The following LSAMP variants were observed in gnomAD, a reference collection of about 807,000 sequenced individuals.
LSAMP encodes the protein limbic system associated membrane protein.
Under a neutral mutation model 38.6 loss-of-function variants are expected in LSAMP, and 7 were observed. The ratio of observed to expected loss-of-function variants is 0.18; its 90% CI spans 0.10 to 0.34. LSAMP has a LOEUF of 0.34. Among genes scored for constraint, LSAMP ranks in the 10% least tolerant of loss-of-function variants. The pLI is 1.00. For missense variants in LSAMP, 313 were observed against 420.0 expected (o/e 0.75, Z 2.23); for synonymous variants, 154 against 166.8 (o/e 0.92, Z 0.59).
At chr3:116,315,860 C>T (rs1046311720) in intron 1 of LSAMP, among the ~76,000 whole-genome samples, 1 of 152,110 alleles carries the variant, frequency 6.6e-6, no homozygotes, top group Non-Finnish European at 1.5e-5. Context: ...AATTTGTGTC[C>T]TGGATGTACT....
chr3:116,374,634 T>A (rs2048471078), intron 1 of LSAMP, among the ~76,000 whole-genome samples: 1 of 151,950 alleles, frequency 6.6e-6, no homozygotes, highest in Non-Finnish European at 1.5e-5. Context: ...GAATTTCAAT[T>A]ACGAAACAAA....
At chr3:116,234,489 A>C (rs2046441140) in intron 1 of LSAMP, among the ~76,000 whole-genome samples, 1 of 76,516 alleles carries the variant, frequency 1.3e-5, no homozygotes, top group African/African-American at 3.2e-5. Context: ...CTATGAAATA[A>C]ATTAATCTAC....
chr3:116,264,768 T>C (rs2046871499), intron 1 of LSAMP, among the ~76,000 whole-genome samples: 1 of 152,092 alleles, frequency 6.6e-6, no homozygotes. Context: ...TGCCCAGCTA[T>C]TTTCTAATTT....
intron 1 of LSAMP, among the ~76,000 whole-genome samples, chr3:116,179,177 T>C (rs1430381730): frequency 6.6e-6 from 1 of 152,214 alleles, no homozygotes; most frequent in Non-Finnish European, 1.5e-5. Flanking sequence ...TCTTTCTGTC[T>C]GCTTATGCTG....
intron 3 of LSAMP, among the ~76,000 whole-genome samples, chr3:115,867,214 G>T (rs10511349): frequency 0.12 from 18,350 of 151,850 alleles, 1,365 homozygotes; most frequent in Admixed American, 0.25. Context: ...GAAGATAATT[G>T]GGTAAGTTAT....
intron 3 of LSAMP, among the ~76,000 whole-genome samples, chr3:115,910,790 C>A (rs909862750): frequency 6.6e-6 from 1 of 152,180 alleles, no homozygotes; most frequent in African/African-American, 2.4e-5. Context: ...TGAAGTTATA[C>A]AGTATGCAAC....
chr3:116,371,180 A>G lies in LSAMP; in HGVS notation c.155+73697T>C, dbSNP rs1415857517. On this transcript the variant is annotated intron_variant, in intron 1 of 6. Transcript: ENST00000490035. ...TTTCCAAATATTTGAAGAGGAGGGA[A>G]CATTCCCCTTACTTATTCATGAAGC... 2.6e-5 allele frequency among the ~76,000 whole-genome samples: 4 copies of G among 152,286 alleles called. No homozygotes were observed. The East Asian group carries it at 7.7e-4, about 29-fold the overall frequency.
chr3:116,032,992 C>T lies in LSAMP; in HGVS notation c.389-13352G>A, dbSNP rs188398734. ...GATTGCGTAGAAGCAATGGGAGATTCGTTTACTGAAGTTAGTTTTTTTCCT... is the reference window on the plus strand; with the variant it reads ...GATTGCGTAGAAGCAATGGGAGATTTGTTTACTGAAGTTAGTTTTTTTCCT... On this transcript the variant is annotated intron_variant, in intron 2 of 6. Transcript: ENST00000490035. Among the ~76,000 whole-genome samples, 8 of 152,106 alleles carry T rather than the reference C, an allele frequency of 5.3e-5. No homozygotes were observed. In the South Asian group the frequency reaches 6.2e-4, roughly 12 times the overall value.
At chr3:116,400,250 A>T (rs544756627) in intron 1 of LSAMP, among the ~76,000 whole-genome samples, 2 of 152,208 alleles carry the variant, frequency 1.3e-5, no homozygotes, top group Admixed American at 1.3e-4. Context: ...GGGCAAACAT[A>T]TCAACATTTG....
At chr3:115,832,804 A>G (rs1189274687) in intron 6 of LSAMP, among the ~76,000 whole-genome samples, 1 of 152,214 alleles carries the variant, frequency 6.6e-6, no homozygotes, top group Non-Finnish European at 1.5e-5. Flanking sequence ...CAGTCTACCT[A>G]CAATGTAAAA....
chr3:116,287,353 T>C (rs2047208563), intron 1 of LSAMP, among the ~76,000 whole-genome samples: 1 of 152,126 alleles, frequency 6.6e-6, no homozygotes, highest in Non-Finnish European at 1.5e-5. Context: ...GAAGACGCAC[T>C]CCCAAGCATG....
At chr3:116,302,314 C>G (rs568029102) in intron 1 of LSAMP, among the ~76,000 whole-genome samples, 2 of 152,156 alleles carry the variant, frequency 1.3e-5, no homozygotes, top group Admixed American at 6.5e-5. Context: ...GACTCACTGT[C>G]GCTCTGTAAA....
chr3:115,827,596 T>C (rs1032744460), intron 6 of LSAMP, among the ~76,000 whole-genome samples: 2 of 152,180 alleles, frequency 1.3e-5, no homozygotes, highest in Non-Finnish European at 2.9e-5. Flanking sequence ...GCATTTTCTT[T>C]TACAATCAGC....
At chr3:116,199,741 G>A (rs2045964155) in intron 1 of LSAMP, among the ~76,000 whole-genome samples, 1 of 151,644 alleles carries the variant, frequency 6.6e-6, no homozygotes. Flanking sequence ...ATTAGATTAA[G>A]CAAATAATAT....
chr3:116,425,819 T>C (rs2049187304), intron 1 of LSAMP, among the ~76,000 whole-genome samples: 1 of 150,806 alleles, frequency 6.6e-6, no homozygotes, highest in African/African-American at 2.4e-5. Flanking sequence ...AGGATGGGCT[T>C]AAAAAGAGTA....
At chr3:116,357,915 TAAAA>T (rs796503219) in intron 1 of LSAMP, among the ~76,000 whole-genome samples, 2 of 131,712 alleles carry the variant, frequency 1.5e-5, no homozygotes, top group Non-Finnish European at 3.3e-5. Context: ...AACACAGAAT[TAAAA>T]AAAAAAAAAA....
chr3:116,426,461 C>CAA (rs34278703), intron 1 of LSAMP, among the ~76,000 whole-genome samples: 5 of 85,518 alleles, frequency 5.8e-5, no homozygotes, highest in South Asian at 4.5e-4. Context: ...AACTCCGTCT[C>CAA]AAAAAAAAAA....
chr3:115,832,848 G>A (rs1044955086), intron 6 of LSAMP, among the ~76,000 whole-genome samples: 1 of 152,178 alleles, frequency 6.6e-6, no homozygotes, highest in Non-Finnish European at 1.5e-5. Context: ...CAACAGTTCA[G>A]TTTGTGGGAA....
intron 6 of LSAMP, among the ~76,000 whole-genome samples, chr3:115,841,135 G>T (rs1039521674): frequency 6.6e-6 from 1 of 152,204 alleles, no homozygotes; most frequent in Non-Finnish European, 1.5e-5. Flanking sequence ...CCAAGATGGG[G>T]TCTCCTATTA....
Sources: allele counts gnomAD v4.1 joint callset (sites outside exome capture counted in the v4.1 genomes callset), GRCh38; gene constraint gnomAD v4.1.1; transcripts MANE v1.5; gene names NCBI Gene and HGNC (gene_info 2026-07-23, HGNC 2026-07-21).